PPARGC1A: variants seen among roughly 807,000 people sequenced by gnomAD.
PPARGC1A encodes the protein PPARG coactivator 1 alpha, also known as peroxisome proliferator-activated receptor gamma coactivator 1-alpha.
Under a neutral mutation model 88.7 loss-of-function variants are expected in PPARGC1A, and 25 were observed. The ratio of observed to expected loss-of-function variants is 0.28; its 90% CI spans 0.21 to 0.39. The LOEUF (loss-of-function observed/expected upper bound fraction) is 0.39. Among genes scored for constraint, PPARGC1A ranks in the 10% least tolerant of loss-of-function variants. PPARGC1A has a pLI of 1.00. For missense variants in PPARGC1A, 880 were observed against 968.7 expected (o/e 0.91, Z 1.22); for synonymous variants, 363 against 355.6 (o/e 1.02, Z -0.24).
the PPARGC1A span, among the ~76,000 whole-genome samples, chr4:24,290,017 GA>G: frequency 6.6e-6 from 1 of 152,100 alleles, no homozygotes; most frequent in Non-Finnish European, 1.5e-5. Flanking sequence ...TTGTGCAGGG[GA>G]ACTCCCATTT....
the PPARGC1A span, among the ~76,000 whole-genome samples, chr4:24,103,975 A>T: frequency 6.6e-6 from 1 of 152,158 alleles, no homozygotes; most frequent in African/African-American, 2.4e-5. Context: ...TCCTCCTAGG[A>T]AGATTAAGGC....
At chr4:24,016,192 A>G in the PPARGC1A span, among the ~76,000 whole-genome samples, 2 of 152,206 alleles carry the variant, frequency 1.3e-5, no homozygotes, top group African/African-American at 4.8e-5. Flanking sequence ...GGAAATAAGA[A>G]TTAGAATTTG....
the PPARGC1A span, among the ~76,000 whole-genome samples, chr4:24,077,758 T>C: frequency 6.6e-6 from 1 of 151,800 alleles, no homozygotes; most frequent in Non-Finnish European, 1.5e-5. Context: ...ATTCTTTCAT[T>C]AATTCTTTAA....
chr4:24,273,101 C>T, the PPARGC1A span, among the ~76,000 whole-genome samples: 1 of 152,188 alleles, frequency 6.6e-6, no homozygotes, highest in Non-Finnish European at 1.5e-5. Flanking sequence ...ACAATGGCAT[C>T]TCTTGCATCG....
chr4:23,923,645 AT>A, the PPARGC1A span, among the ~76,000 whole-genome samples: 1 of 152,224 alleles, frequency 6.6e-6, no homozygotes, highest in Non-Finnish European at 1.5e-5. Context: ...AAGGAAGGGA[AT>A]GTACCCTGAT....
chr4:24,158,750 A>T, the PPARGC1A span, among the ~76,000 whole-genome samples: 1 of 152,200 alleles, frequency 6.6e-6, no homozygotes, highest in Non-Finnish European at 1.5e-5. Context: ...ATAATTGAGA[A>T]AGGCTATAAA....
the PPARGC1A span, among the ~76,000 whole-genome samples, chr4:24,270,969 CA>C: frequency 7.2e-5 from 11 of 152,142 alleles, no homozygotes; most frequent in Non-Finnish European, 1.3e-4. Flanking sequence ...TTTGTATGAT[CA>C]TGGCTAATAC....
At chr4:24,145,791 T>C in the PPARGC1A span, among the ~76,000 whole-genome samples, 1 of 152,220 alleles carries the variant, frequency 6.6e-6, no homozygotes, top group African/African-American at 2.4e-5. Context: ...GCCTTGTTTA[T>C]ACTTCTGCCA....
chr4:23,833,555 A>T (rs918399185), intron 2 of PPARGC1A, among the ~76,000 whole-genome samples: 2 of 152,244 alleles, frequency 1.3e-5, no homozygotes, highest in Non-Finnish European at 2.9e-5. Context: ...ACTGAACTCC[A>T]GTTAATTGAC....
chr4:24,457,599 G>A, the PPARGC1A span, among the ~76,000 whole-genome samples: 4 of 152,258 alleles, frequency 2.6e-5, no homozygotes, highest in Admixed American at 6.5e-5. Flanking sequence ...AGGCTAGAGT[G>A]CAGTGGCGCA....
At chr4:24,096,402 C>A in the PPARGC1A span, among the ~76,000 whole-genome samples, 2 of 152,184 alleles carry the variant, frequency 1.3e-5, no homozygotes, top group African/African-American at 4.8e-5. Flanking sequence ...TGGAAGGAAT[C>A]AACTCGGTCA....
chr4:24,113,658 G>T, the PPARGC1A span, among the ~76,000 whole-genome samples: 1 of 152,148 alleles, frequency 6.6e-6, no homozygotes, highest in Non-Finnish European at 1.5e-5. Context: ...CAGAGTTTGG[G>T]AGAGGAGCTT....
chr4:24,205,274 A>G, the PPARGC1A span, among the ~76,000 whole-genome samples: 1 of 152,168 alleles, frequency 6.6e-6, no homozygotes, highest in Non-Finnish European at 1.5e-5. Flanking sequence ...AGTCCCTTGT[A>G]TCCCATACTG....
intron 2 of PPARGC1A, among the ~76,000 whole-genome samples, chr4:23,853,439 G>T (rs1275573681): frequency 6.6e-6 from 1 of 152,108 alleles, no homozygotes; most frequent in Non-Finnish European, 1.5e-5. Context: ...TGTTACCTCA[G>T]ATCAATGAGA....
At chr4:23,849,395 C>A (rs1310989049) in intron 2 of PPARGC1A, among the ~76,000 whole-genome samples, 1 of 152,130 alleles carries the variant, frequency 6.6e-6, no homozygotes, top group Admixed American at 6.5e-5. Flanking sequence ...AATCTTTAGC[C>A]CTGAATACAT....
chr4:23,950,745 T>G, the PPARGC1A span, among the ~76,000 whole-genome samples: 2 of 152,152 alleles, frequency 1.3e-5, no homozygotes, highest in African/African-American at 2.4e-5. Context: ...GTTAGTTCTC[T>G]TCCTTACACT....
intron 1 of PPARGC1A, among the ~76,000 whole-genome samples, chr4:23,896,743 T>C (rs909366482): frequency 2.0e-5 from 3 of 152,168 alleles, no homozygotes; most frequent in Admixed American, 2.0e-4. Context: ...ATTTATACAA[T>C]AGTAAATATT....
chr4:23,885,383 A>T (rs1716699032), intron 1 of PPARGC1A, among the ~76,000 whole-genome samples: 1 of 152,236 alleles, frequency 6.6e-6, no homozygotes. Flanking sequence ...ATGGAAAAAG[A>T]ACAGAGGAAC....
At chr4:24,257,941 G>T in the PPARGC1A span, among the ~76,000 whole-genome samples, 1 of 151,960 alleles carries the variant, frequency 6.6e-6, no homozygotes, top group African/African-American at 2.4e-5. Context: ...ATAATATACA[G>T]ACATATTTAG....
Sources: allele counts gnomAD v4.1 joint callset (sites outside exome capture counted in the v4.1 genomes callset), GRCh38; gene constraint gnomAD v4.1.1; transcripts MANE v1.5; gene names NCBI Gene and HGNC (gene_info 2026-07-23, HGNC 2026-07-21).